Variants in STXBP5L observed in about 807,000 individuals in gnomAD.
STXBP5L encodes the protein syntaxin-binding protein 5-like.
Under a neutral mutation model 144.5 loss-of-function variants are expected in STXBP5L, and 65 were observed. The observed-to-expected ratio is 0.45, with a 90% CI of 0.37 to 0.55. STXBP5L has a LOEUF of 0.55. Ranked by LOEUF, STXBP5L falls within the 20% of genes least tolerant of loss-of-function variation. The pLI is 0.00. For synonymous variants in STXBP5L, 505 were observed against 469.6 expected (o/e 1.08, Z -0.97); for missense variants, 1,298 against 1,405.5 (o/e 0.92, Z 1.22).
intron 5 of STXBP5L, among the ~76,000 whole-genome samples, chr3:121,084,920 G>T (rs1354327283): frequency 6.6e-6 from 1 of 152,098 alleles, no homozygotes. Context: ...ACTGGCATGA[G>T]ATAGTATCTC....
intron 5 of STXBP5L, among the ~76,000 whole-genome samples, chr3:121,065,358 T>C (rs1307149716): frequency 5.9e-5 from 9 of 152,106 alleles, no homozygotes; most frequent in Admixed American, 5.2e-4. Context: ...TATATACATA[T>C]TTTATAATAT....
chr3:121,003,820 C>G (rs1944004654), intron 3 of STXBP5L, among the ~76,000 whole-genome samples: 1 of 152,262 alleles, frequency 6.6e-6, no homozygotes, highest in South Asian at 2.1e-4. Context: ...ATCCTTTCCC[C>G]ATTTCTTGTT....
chr3:121,091,641 A>AT (rs2042802935), intron 5 of STXBP5L, among the ~76,000 whole-genome samples: 2 of 151,896 alleles, frequency 1.3e-5, no homozygotes, highest in African/African-American at 4.8e-5. Context: ...TTTCTTGTAA[A>AT]TTTGTTTGAG....
At chr3:121,090,434 C>A (rs1279195218) in intron 5 of STXBP5L, among the ~76,000 whole-genome samples, 1 of 152,084 alleles carries the variant, frequency 6.6e-6, no homozygotes, top group African/African-American at 2.4e-5. Context: ...ATTCTACTAA[C>A]CCAATTCTCA....
intron 3 of STXBP5L, among the ~76,000 whole-genome samples, chr3:120,998,322 C>T (rs1943512337): frequency 6.6e-6 from 1 of 151,988 alleles, no homozygotes; most frequent in Non-Finnish European, 1.5e-5. Flanking sequence ...TGATTTTATA[C>T]CCAGGAAACC....
At chr3:121,087,846 G>T (rs936001016) in intron 5 of STXBP5L, among the ~76,000 whole-genome samples, 1 of 151,860 alleles carries the variant, frequency 6.6e-6, no homozygotes, top group Non-Finnish European at 1.5e-5. Flanking sequence ...ACTTTTTAAA[G>T]AGGTTGCTAT....
chr3:121,024,362 C>T (rs1945778470), intron 3 of STXBP5L, among the ~76,000 whole-genome samples: 1 of 152,132 alleles, frequency 6.6e-6, no homozygotes, highest in Admixed American at 6.6e-5. Context: ...TCTAGAGTGG[C>T]TTTACTTTAG....
chr3:121,162,555 G>C (rs991805443), intron 9 of STXBP5L, among the ~76,000 whole-genome samples: 2 of 152,054 alleles, frequency 1.3e-5, no homozygotes, highest in South Asian at 2.1e-4. Context: ...GCAACAAAAG[G>C]CAAAATTGAC....
chr3:120,980,775 T>C (rs1260694307), intron 3 of STXBP5L, among the ~76,000 whole-genome samples: 1 of 152,182 alleles, frequency 6.6e-6, no homozygotes, highest in Non-Finnish European at 1.5e-5. Context: ...GTTTGCAATC[T>C]TGGTTGTGTA....
At chr3:121,011,475 T>G (rs1023130316) in intron 3 of STXBP5L, among the ~76,000 whole-genome samples, 13 of 151,762 alleles carry the variant, frequency 8.6e-5, no homozygotes, top group African/African-American at 2.9e-4. Flanking sequence ...TCAAATGGTA[T>G]AAGGACAAGT....
intron 7 of STXBP5L, among the ~76,000 whole-genome samples, chr3:121,130,174 T>A (rs2044911294): frequency 6.6e-6 from 1 of 152,090 alleles, no homozygotes; most frequent in Non-Finnish European, 1.5e-5. Context: ...ATTTTATAGA[T>A]CTGATAAAAC....
chr3:120,991,260 G>A (rs1490207426), intron 3 of STXBP5L, among the ~76,000 whole-genome samples: 102 of 151,632 alleles, frequency 6.7e-4, no homozygotes, highest in Non-Finnish European at 1.2e-3. Flanking sequence ...TCAGAGAAAT[G>A]CAAATCAAAA....
intron 9 of STXBP5L, among the ~76,000 whole-genome samples, chr3:121,191,975 T>C (rs960641032): frequency 2.6e-5 from 4 of 151,940 alleles, no homozygotes; most frequent in Non-Finnish European, 5.9e-5. Flanking sequence ...AGGGATAGCA[T>C]TGGGAGATAT....
At chr3:121,010,101 TGGA>T (rs1944657504) in intron 3 of STXBP5L, among the ~76,000 whole-genome samples, 2 of 152,074 alleles carry the variant, frequency 1.3e-5, no homozygotes, top group South Asian at 4.1e-4. Context: ...ATATCATTTT[TGGA>T]GAACTCAGAC....
At position 120,968,575 on chromosome 3, in the gene STXBP5L, A is replaced by T. The variant is rs534740748; in HGVS notation, c.287+13538A>T. Among the ~76,000 whole-genome samples the T allele has an allele frequency of 2.5e-3, 380 of 152,256 alleles. 1 individual carries two copies. Among genetic ancestry groups the T allele is most frequent in the Non-Finnish European group, 4.6e-3 (312 of 67,984 alleles). On this transcript the variant is annotated intron_variant, in intron 3 of 26. Coordinates refer to ENST00000471454, the MANE Select transcript of STXBP5L (RefSeq NM_001308330.2). ...TCAGCCACCCTGCATTTTAATTTTT[A>T]AAATAAATTTCAAAAGCTTTGGGGG...
chr3:121,027,669 T>A (rs779963842), intron 3 of STXBP5L, among the ~76,000 whole-genome samples: 37 of 152,040 alleles, frequency 2.4e-4, no homozygotes, highest in Non-Finnish European at 4.4e-4. Flanking sequence ...TTATAAGGAC[T>A]CTTGTAGTTA....
chr3:121,081,704 C>A (rs928710952), intron 5 of STXBP5L, among the ~76,000 whole-genome samples: 7 of 152,286 alleles, frequency 4.6e-5, no homozygotes, highest in African/African-American at 1.4e-4. Context: ...GTATTCCTGG[C>A]TAGGCACTGG....
intron 19 of STXBP5L, among the ~76,000 whole-genome samples, chr3:121,286,327 G>C (rs897020854): frequency 6.6e-6 from 1 of 152,066 alleles, no homozygotes; most frequent in Non-Finnish European, 1.5e-5. Flanking sequence ...CAGGAATGGA[G>C]AAGTAAACAA....
At chr3:121,095,440 G>C (rs531680826) in intron 5 of STXBP5L, among the ~76,000 whole-genome samples, 41 of 152,288 alleles carry the variant, frequency 2.7e-4, no homozygotes, top group African/African-American at 9.9e-4. Context: ...ATGTGGATTT[G>C]ATCTTTAAAC....
Sources: allele counts gnomAD v4.1 joint callset (sites outside exome capture counted in the v4.1 genomes callset), GRCh38; gene constraint gnomAD v4.1.1; transcripts MANE v1.5; gene names NCBI Gene and HGNC (gene_info 2026-07-23, HGNC 2026-07-21).